The following DPF3 variants were observed in gnomAD, a reference collection of about 807,000 sequenced individuals.
DPF3 encodes the protein double PHD fingers 3.
In DPF3, 18 loss-of-function variants were observed where a neutral mutation model predicts 56.8. The observed-to-expected ratio is 0.32, with a 90% CI of 0.22 to 0.47. The LOEUF (loss-of-function observed/expected upper bound fraction) is 0.47, where lower values mean the gene tolerates loss of function less well. DPF3 is among the 20% of genes least tolerant of loss of function. The pLI is 1.00. For synonymous variants in DPF3, 188 were observed against 180.2 expected (o/e 1.04, Z -0.35); for missense variants, 403 against 488.8 (o/e 0.82, Z 1.65).
At chr14:72,892,354 G>C in intron 1 of DPF3, 1 of 1,534,022 alleles carries the variant, frequency 6.5e-7, no homozygotes, top group African/African-American at 1.4e-5. Context: ...TTTCTTTCTT[G>C]GGTGAAACGC....
At chr14:72,881,960 T>C (rs1240006265) in intron 1 of DPF3, among the ~76,000 whole-genome samples, 1 of 152,146 alleles carries the variant, frequency 6.6e-6, no homozygotes, top group Non-Finnish European at 1.5e-5. Flanking sequence ...GGGGGGAAGA[T>C]AAGGATGAAG....
intron 8 of DPF3, among the ~76,000 whole-genome samples, chr14:72,633,474 C>A (rs1885278724): frequency 1.3e-5 from 2 of 151,908 alleles, no homozygotes; most frequent in South Asian, 4.2e-4. Flanking sequence ...AAAGAAAGAA[C>A]CAGCAAAGGA....
intron 1 of DPF3, among the ~76,000 whole-genome samples, chr14:72,860,533 A>G (rs868472224): frequency 6.6e-6 from 1 of 150,958 alleles, no homozygotes; most frequent in Non-Finnish European, 1.5e-5. Context: ...TATACAAAAT[A>G]GTGGTCCACT....
rs1263764390 is a variant in DPF3 at position 72,613,924 on chromosome 14, A to G, written c.*5373T>C. Among the ~76,000 whole-genome samples, 7 of 152,096 alleles carry G rather than the reference A, an allele frequency of 4.6e-5. No individual in the cohort carries two copies. Among genetic ancestry groups the G allele is most frequent in the Non-Finnish European group, 8.8e-5 (6 of 68,000 alleles). On this transcript the variant is annotated 3_prime_UTR_variant, in exon 11 of 11. Transcript: ENST00000556509. ...TGCCTGGGAGGTTGTCTATCCTCCC[A>G]CATCCCGGGTGCCCAGCAGGAAGCA...
intron 8 of DPF3, chr14:72,674,016 C>T: frequency 1.7e-6 from 1 of 602,344 alleles, no homozygotes; most frequent in Non-Finnish European, 2.7e-6. Flanking sequence ...CAGACACAAA[C>T]CCAAAACTTC....
chr14:72,733,192 C>A (rs568409924), intron 3 of DPF3, among the ~76,000 whole-genome samples: 2 of 152,134 alleles, frequency 1.3e-5, no homozygotes, highest in Non-Finnish European at 2.9e-5. Flanking sequence ...GGACCTCATA[C>A]CCCCACACTG....
chr14:72,875,479 C>G (rs1567267245), intron 1 of DPF3, among the ~76,000 whole-genome samples: 1 of 152,160 alleles, frequency 6.6e-6, no homozygotes, highest in Non-Finnish European at 1.5e-5. Context: ...TTCCAACAAC[C>G]CCATAAAGAC....
In DPF3 at chr14:72,672,746, C is replaced by G. The variant is rs111854719; in HGVS notation, c.871+1494G>C. 3.4e-3 allele frequency among the ~76,000 whole-genome samples: 521 copies of G among 152,286 alleles called. 4 individuals carry two copies. The South Asian group carries it at 0.037, about 11-fold the overall frequency. On this transcript the variant is annotated intron_variant, in intron 8 of 10. Transcript: ENST00000556509. ...TGTAAGAAAGGAAGGGGAGAAATTA[C>G]AGCAGTTTGCAATGAGAATTCTGAA...
At chr14:72,745,346 G>A (rs1890283849) in intron 3 of DPF3, among the ~76,000 whole-genome samples, 2 of 151,652 alleles carry the variant, frequency 1.3e-5, no homozygotes, top group African/African-American at 4.9e-5. Context: ...TTCTTTTAAA[G>A]GACAAAATAA....
chr14:72,730,166 G>A (rs1889580869), intron 4 of DPF3, among the ~76,000 whole-genome samples: 1 of 152,070 alleles, frequency 6.6e-6, no homozygotes, highest in African/African-American at 2.4e-5. Flanking sequence ...AAAGATGAGA[G>A]CAGCTTGGGC....
At chr14:72,822,761 G>A (rs947551175) in intron 1 of DPF3, among the ~76,000 whole-genome samples, 1 of 152,154 alleles carries the variant, frequency 6.6e-6, no homozygotes, top group African/African-American at 2.4e-5. Flanking sequence ...GAGTTTCTTA[G>A]AAGGAAGGAG....
intron 1 of DPF3, among the ~76,000 whole-genome samples, chr14:72,846,588 G>C (rs186012246): frequency 5.9e-5 from 9 of 151,396 alleles, no homozygotes; most frequent in Non-Finnish European, 1.0e-4. Flanking sequence ...TGCCCACCTC[G>C]GCCTCCCAAA....
At chr14:72,811,709 C>T (rs2140018655) in intron 1 of DPF3, among the ~76,000 whole-genome samples, 1 of 152,302 alleles carries the variant, frequency 6.6e-6, no homozygotes, top group Non-Finnish European at 1.5e-5. Context: ...AAGACATAGG[C>T]CCTGCCTTCC....
chr14:72,743,368 A>G (rs942549636), intron 3 of DPF3, among the ~76,000 whole-genome samples: 1 of 152,092 alleles, frequency 6.6e-6, no homozygotes, highest in East Asian at 1.9e-4. Context: ...CAGGCTCCCC[A>G]TAGGGAGCAT....
intron 1 of DPF3, among the ~76,000 whole-genome samples, chr14:72,790,671 C>T (rs1892392153): frequency 6.6e-6 from 1 of 152,122 alleles, no homozygotes; most frequent in African/African-American, 2.4e-5. Flanking sequence ...TAGGGTAAGA[C>T]TTAACCCCCA....
At chr14:72,847,836 T>TCA (rs1397674774) in intron 1 of DPF3, among the ~76,000 whole-genome samples, 12 of 152,336 alleles carry the variant, frequency 7.9e-5, no homozygotes, top group African/African-American at 2.9e-4. Context: ...ATTTTTATGA[T>TCA]AGCCTCTACC....
chr14:72,718,769 C>CTTTTTT (rs1172947236), intron 5 of DPF3, among the ~76,000 whole-genome samples: 2 of 14,750 alleles, frequency 1.4e-4, no homozygotes, highest in Non-Finnish European at 1.4e-4. Context: ...TACACCCTTG[C>CTTTTTT]TATTTTTTTT....
chr14:72,869,133 A>G (rs1399012593), intron 1 of DPF3, among the ~76,000 whole-genome samples: 1 of 152,168 alleles, frequency 6.6e-6, no homozygotes, highest in Non-Finnish European at 1.5e-5. Flanking sequence ...GGCACATGCT[A>G]TTCCCTCTGC....
At chr14:72,799,684 C>T (rs1478084385) in intron 1 of DPF3, among the ~76,000 whole-genome samples, 1 of 151,906 alleles carries the variant, frequency 6.6e-6, no homozygotes, top group Non-Finnish European at 1.5e-5. Flanking sequence ...CTTAGTGATC[C>T]GTTCAAGAGT....
Sources: gnomAD v4.1 joint callset for allele counts (sites outside exome capture counted in the v4.1 genomes callset) on GRCh38, gnomAD v4.1.1 for gene constraint, MANE v1.5 for transcripts, NCBI Gene and HGNC (gene_info 2026-07-23, HGNC 2026-07-21) for gene names.